The following GAPVD1 variants were observed in gnomAD, a reference collection of about 807,000 sequenced individuals.
GAPVD1 encodes the protein GTPase-activating protein and VPS9 domain-containing protein 1.
GAPVD1 carries 35 observed loss-of-function variants against 155.5 expected under a neutral mutation model. That is an observed-to-expected ratio of 0.23 (90% CI 0.17 to 0.30). GAPVD1 has a LOEUF of 0.30. Among genes scored for constraint, GAPVD1 ranks in the 10% least tolerant of loss-of-function variants. The pLI is 1.00. For synonymous variants in GAPVD1, 636 were observed against 619.7 expected, an observed-to-expected ratio of 1.03 and a Z score of -0.39; for missense variants, 1,429 against 1,775.7, an observed-to-expected ratio of 0.80 and a Z score of 3.51.
chr9:125,304,856 TTCTC>T (rs1841522696), intron 5 of GAPVD1, among the ~76,000 whole-genome samples: 1 of 152,226 alleles, frequency 6.6e-6, no homozygotes, highest in East Asian at 1.9e-4. Context: ...AATTTATACT[TTCTC>T]TAACTCTTAA....
In GAPVD1 at chr9:125,350,970, A is replaced by G. The variant is rs565946717; in HGVS notation, c.3569+98A>G. The G allele has an allele frequency of 7.9e-5, 76 of 960,930 alleles. No individual in the cohort carries two copies. In the African/African-American group the frequency reaches 1.1e-3, roughly 14 times the overall value. The allele number at this position is 960,930 out of a possible 1,614,324, so 59.5% of individuals were successfully genotyped here. On this transcript the variant is annotated intron_variant, in intron 23 of 27. Transcript: ENST00000297933. ...CAGAAATGAATCTAGGCTTCCTACA[A>G]AGTGCTTGGCTGTATTTTCCTGGAT...
chr9:125,352,470 A>G (rs971218391), intron 23 of GAPVD1, among the ~76,000 whole-genome samples: 13 of 152,220 alleles, frequency 8.5e-5, no homozygotes, highest in Non-Finnish European at 1.9e-4. Context: ...CTCTGAAGCC[A>G]CAGCCTGAGC....
At chr9:125,332,224 T>A (rs1244786767) in intron 14 of GAPVD1, among the ~76,000 whole-genome samples, 164 bp downstream of exon 14, 2 of 152,234 alleles carry the variant, frequency 1.3e-5, no homozygotes, top group Non-Finnish European at 2.9e-5. Flanking sequence ...GAACTTAATG[T>A]GTGGCCTTAT....
chr9:125,274,482 A>C (rs991153646), intron 2 of GAPVD1, among the ~76,000 whole-genome samples: 1 of 93,948 alleles, frequency 1.1e-5, no homozygotes, highest in African/African-American at 4.2e-5. Flanking sequence ...TTTTTTTTTG[A>C]GTTGGAGTTT....
At chr9:125,276,164 A>G (rs1483305787) in intron 2 of GAPVD1, among the ~76,000 whole-genome samples, 1 of 152,188 alleles carries the variant, frequency 6.6e-6, no homozygotes, top group Non-Finnish European at 1.5e-5. Flanking sequence ...TGTATTTTCA[A>G]AGTAATTTGC....
intron 20 of GAPVD1, among the ~76,000 whole-genome samples, chr9:125,348,300 T>G (rs1848797796): frequency 6.6e-6 from 1 of 152,126 alleles, no homozygotes; most frequent in East Asian, 1.9e-4. Flanking sequence ...TCCTGAAGCA[T>G]TTGAAATTAT....
Position 125,362,582 on chromosome 9 carries a change from CTTTTTTAT to C in GAPVD1, c.4243-19_4243-12del. On this transcript the variant is annotated splice_polypyrimidine_tract_variant and intron_variant, in intron 27 of 27. Transcript: ENST00000297933. The stretch of plus-strand genomic sequence containing the variant: ...AGCTATGACATCTGAGTAATTGATT[CTTTTTTAT>C]TTTTCACTTCTCTAGGCAAATCCAC... The C allele has an allele frequency of 6.4e-7, 1 of 1,569,508 alleles. No homozygotes were observed. The highest frequency in any genetic ancestry group is 8.6e-7 in the Non-Finnish European group (1 of 1,156,780).
At chr9:125,323,299 T>G (rs912099941) in intron 10 of GAPVD1, among the ~76,000 whole-genome samples, 5 of 150,500 alleles carry the variant, frequency 3.3e-5, no homozygotes, top group Non-Finnish European at 7.4e-5. Flanking sequence ...TTTGTTTTGT[T>G]GTGTTGTGTT....
chr9:125,342,226 A>T lies in GAPVD1; in HGVS notation c.2973A>T (p.Ile991=), dbSNP rs1303884008. 1 of 1,533,242 alleles carries T rather than the reference A, an allele frequency of 6.5e-7. No homozygotes were observed. The highest frequency in any genetic ancestry group is 1.4e-5 in the African/African-American group (1 of 73,530). The allele number at this position is 1,533,242 out of a possible 1,614,324, so 95.0% of individuals were successfully genotyped here. Residue 991 remains isoleucine (I), a synonymous_variant, in exon 19 of 28, where the codon ATA becomes ATT. Transcript: ENST00000297933. ...ACTTTATTTAATTTCCAGCTCCTAT[A>T]CCATTTAGAAAGAAAGAAAAACAAG... ...RFVSAMPKAP[I]PFRKKEKQEK...
intron 2 of GAPVD1, among the ~76,000 whole-genome samples, chr9:125,274,368 G>T (rs1009937435): frequency 6.6e-6 from 1 of 151,306 alleles, no homozygotes; most frequent in African/African-American, 2.4e-5. Flanking sequence ...AAAAATGAAG[G>T]GTTTTCTTTC....
Position 125,359,400 on chromosome 9 carries a change from G to A in GAPVD1, c.3972-20G>A. The A allele has an allele frequency of 1.4e-6, 2 of 1,431,028 alleles. No individual in the cohort carries two copies. Among genetic ancestry groups the A allele is most frequent in the Middle Eastern group, 1.8e-4 (1 of 5,708 alleles). The allele number at this position is 1,431,028 out of a possible 1,614,324, so 88.6% of individuals were successfully genotyped here. Reference sequence around the variant, plus strand: ...TTTTCTGAAATGAATGTTTACATGTGTATTTTGGGGGGTTTTCAGGGTTCT... The same window carrying A: ...TTTTCTGAAATGAATGTTTACATGTATATTTTGGGGGGTTTTCAGGGTTCT... On this transcript the variant is annotated intron_variant, in intron 25 of 27. Coordinates refer to ENST00000297933, the MANE Select transcript of GAPVD1 (RefSeq NM_001282680.3).
intron 2 of GAPVD1, among the ~76,000 whole-genome samples, chr9:125,281,865 A>T (rs1836845633): frequency 6.6e-6 from 1 of 151,540 alleles, no homozygotes; most frequent in African/African-American, 2.4e-5. Context: ...CCCAGGCTGG[A>T]ATACAGTGGT....
Position 125,360,686 on chromosome 9 carries a change from G to A in GAPVD1, c.4203G>A (p.Ala1401=), listed in dbSNP as rs138042931. 4.5e-5 allele frequency: 72 copies of A among 1,613,876 alleles called. No homozygotes were observed. The highest frequency in any genetic ancestry group is 5.8e-5 in the Non-Finnish European group (68 of 1,179,966). The part of the protein sequence containing the change: ...SLANEDSVPG[A]DDFVPVLVFV... ...CCAATGAGGACTCTGTCCCTGGAGC[G>A]GATGACTTTGTTCCTGTGTTGGTGT... The change falls in exon 27 of 28, where the codon GCG becomes GCA. Residue 1401 remains alanine, a synonymous_variant. Transcript: ENST00000297933.
rs754680831 is a variant in GAPVD1, at chr9:125,360,611, G to A, written c.4128G>A (p.Val1376=). ...ISAYKTPRDK[V]QCILRMCSTI... ...CTTATAAAACCCCCCGGGACAAAGT[G>A]CAGTGCATCCTGAGAATGTGCTCTA... The change falls in exon 27 of 28, where the codon GTG becomes GTA. Residue 1376 remains valine (V), a synonymous_variant. Coordinates refer to ENST00000297933, the MANE Select transcript of GAPVD1 (RefSeq NM_001282680.3). 1.3e-5 allele frequency: 21 copies of A among 1,613,706 alleles called. No individual in the cohort carries two copies. Among genetic ancestry groups the A allele is most frequent in the East Asian group, 6.7e-5 (3 of 44,894 alleles).
At chr9:125,335,851 T>G (rs557663920) in intron 15 of GAPVD1, among the ~76,000 whole-genome samples, 56 of 152,124 alleles carry the variant, frequency 3.7e-4, no homozygotes, top group African/African-American at 1.3e-3. Flanking sequence ...CAGTAATTTT[T>G]TAAGTTGTAA....
chr9:125,294,907 G>C (rs1028787266), intron 2 of GAPVD1, among the ~76,000 whole-genome samples: 5 of 151,950 alleles, frequency 3.3e-5, no homozygotes, highest in African/African-American at 1.2e-4. Context: ...GGAACTTTAA[G>C]GAGTAAATTT....
rs778496591 is a variant in GAPVD1, at chr9:125,354,711, A to T, written c.3627A>T (p.Thr1209=). The T allele has an allele frequency of 6.2e-7, 1 of 1,613,834 alleles. No individual in the cohort carries two copies. Among genetic ancestry groups the T allele is most frequent in the South Asian group, 1.1e-5 (1 of 91,082 alleles). Residue 1209 remains threonine (T), a synonymous_variant, in exon 24 of 28, where the codon ACA becomes ACT. Transcript: ENST00000297933. ...LTRCRQGLQT[T]QAHLERLLQR... ...GTTGTCGACAAGGACTACAGACCAC[A>T]CAGGCTCACCTGGAAAGGCTATTGC... is the stretch of plus-strand genomic sequence containing the variant.
At chr9:125,350,041 G>A (rs1048636702) in intron 21 of GAPVD1, among the ~76,000 whole-genome samples, 1 of 152,060 alleles carries the variant, frequency 6.6e-6, no homozygotes, top group Non-Finnish European at 1.5e-5. Context: ...GGAACTCAGT[G>A]TATGAAAAAA....
chr9:125,360,136 G>A (rs988603336), intron 26 of GAPVD1, among the ~76,000 whole-genome samples: 1 of 152,140 alleles, frequency 6.6e-6, no homozygotes, highest in Admixed American at 6.6e-5. Context: ...TAGTTCCTGT[G>A]TAGAGCCAGT....
Sources: allele counts gnomAD v4.1 joint callset (sites outside exome capture counted in the v4.1 genomes callset), GRCh38; gene constraint gnomAD v4.1.1; transcripts MANE v1.5; gene names NCBI Gene and HGNC (gene_info 2026-07-23, HGNC 2026-07-21).